ERC2: variants seen among roughly 807,000 people sequenced by gnomAD.
ERC2 encodes the protein ELKS/RAB6-interacting/CAST family member 2, also known as ERC protein 2.
A neutral mutation model predicts 114.8 loss-of-function variants in ERC2; 42 were observed. The ratio of observed to expected loss-of-function variants is 0.37; its 90% confidence interval spans 0.29 to 0.47. ERC2 has a LOEUF of 0.47. ERC2 is among the 20% of genes least tolerant of loss of function. The probability of loss-of-function intolerance (pLI) is 0.99; values close to 1 mark genes in which losing one functional copy is unlikely to be tolerated. For missense variants in ERC2, 939 were observed against 1,150.7 expected (o/e 0.82, Z 2.66); for synonymous variants, 454 against 425.5 (o/e 1.07, Z -0.82).
At chr3:56,229,227 A>G (rs570568856) in intron 3 of ERC2, among the ~76,000 whole-genome samples, 1 of 152,270 alleles carries the variant, frequency 6.6e-6, no homozygotes, top group South Asian at 2.1e-4. Flanking sequence ...TTTAATAGGT[A>G]TTCATATGTT....
At chr3:55,854,436 G>C (rs948076375) in intron 14 of ERC2, among the ~76,000 whole-genome samples, 2 of 152,164 alleles carry the variant, frequency 1.3e-5, no homozygotes, top group African/African-American at 4.8e-5. Flanking sequence ...CCTTAGCTAA[G>C]GAATCCAAAA....
chr3:56,428,784 A>C (rs1053979361), intron 2 of ERC2, among the ~76,000 whole-genome samples: 2 of 152,382 alleles, frequency 1.3e-5, no homozygotes, highest in Admixed American at 6.5e-5. Flanking sequence ...AAATGATCAC[A>C]TAACCATTGT....
At chr3:56,344,742 G>A (rs543156928) in intron 2 of ERC2, among the ~76,000 whole-genome samples, 14 of 152,264 alleles carry the variant, frequency 9.2e-5, no homozygotes, top group Non-Finnish European at 1.5e-4. Context: ...TCTGGTAATG[G>A]TGGATCATTC....
intron 16 of ERC2, among the ~76,000 whole-genome samples, chr3:55,695,637 A>C (rs2062887242): frequency 6.6e-6 from 1 of 152,134 alleles, no homozygotes; most frequent in African/African-American, 2.4e-5. Flanking sequence ...TATTGCCTTT[A>C]AGAAGGTATC....
At chr3:55,938,842 A>C (rs1357345092) in intron 13 of ERC2, among the ~76,000 whole-genome samples, 2 of 152,176 alleles carry the variant, frequency 1.3e-5, no homozygotes, top group Non-Finnish European at 2.9e-5. Context: ...AAAAAGGTAA[A>C]ATTGCATCCA....
chr3:55,948,487 A>G (rs1367277868), intron 13 of ERC2, among the ~76,000 whole-genome samples: 2 of 152,256 alleles, frequency 1.3e-5, no homozygotes, highest in Admixed American at 6.5e-5. Context: ...CATCTGCTTA[A>G]CAATCCAGGA....
At chr3:55,882,465 A>T (rs2063158536) in intron 14 of ERC2, among the ~76,000 whole-genome samples, 2 of 152,222 alleles carry the variant, frequency 1.3e-5, no homozygotes, top group African/African-American at 4.8e-5. Flanking sequence ...ACATGTATAC[A>T]ATTGGACTTC....
intron 6 of ERC2, among the ~76,000 whole-genome samples, chr3:56,138,819 A>C (rs890855889): frequency 5.9e-5 from 9 of 152,210 alleles, no homozygotes; most frequent in African/African-American, 2.2e-4. Context: ...ATTTCTTAGC[A>C]GACCCAAAGA....
intron 3 of ERC2, among the ~76,000 whole-genome samples, chr3:56,291,618 CA>C (rs1467769650): frequency 6.6e-6 from 1 of 152,160 alleles, no homozygotes; most frequent in Non-Finnish European, 1.5e-5. Flanking sequence ...CTCCATTCCC[CA>C]GCTTCACACT....
chr3:55,918,303 TA>T (rs2065222565), intron 13 of ERC2, among the ~76,000 whole-genome samples: 1 of 152,016 alleles, frequency 6.6e-6, no homozygotes, highest in Non-Finnish European at 1.5e-5. Flanking sequence ...TTTACTGTCT[TA>T]AAAAATAAAA....
chr3:56,089,468 G>A (rs2077672178), intron 6 of ERC2, among the ~76,000 whole-genome samples: 1 of 151,898 alleles, frequency 6.6e-6, no homozygotes, highest in African/African-American at 2.4e-5. Context: ...AAGAAACATT[G>A]AAATTAATTT....
intron 13 of ERC2, among the ~76,000 whole-genome samples, chr3:55,924,049 A>G (rs1463507269): frequency 6.6e-6 from 1 of 152,138 alleles, no homozygotes; most frequent in East Asian, 1.9e-4. Flanking sequence ...ATGTAAGGAG[A>G]CAGATTTGCC....
intron 13 of ERC2, among the ~76,000 whole-genome samples, chr3:55,948,460 A>G (rs1243591279): frequency 6.6e-6 from 1 of 152,248 alleles, no homozygotes; most frequent in Non-Finnish European, 1.5e-5. Context: ...TTTGGCAGTA[A>G]TTACTACATC....
intron 17 of ERC2, among the ~76,000 whole-genome samples, chr3:55,516,252 AAAAAC>A (rs1334934051): frequency 1.3e-5 from 2 of 152,070 alleles, no homozygotes; most frequent in African/African-American, 2.4e-5. Context: ...CTAAAAAAAA[AAAAAC>A]AAACAAAAAA....
chr3:56,118,697 C>A (rs1172903824), intron 6 of ERC2, among the ~76,000 whole-genome samples: 3 of 144,038 alleles, frequency 2.1e-5, no homozygotes, highest in Admixed American at 7.3e-5. Context: ...AGTGCAGTGG[C>A]GTGATCTCGG....
chr3:55,898,732 A>G (rs1331191408), intron 13 of ERC2, among the ~76,000 whole-genome samples: 3 of 151,794 alleles, frequency 2.0e-5, no homozygotes, highest in Admixed American at 6.6e-5. Flanking sequence ...TTTTTTTTAC[A>G]TTTTCCAAAA....
rs145067671 is a variant in ERC2, at chr3:55,974,100, C to T, written c.2267+11877G>A. 2.5e-3 allele frequency among the ~76,000 whole-genome samples: 378 copies of T among 152,110 alleles called. 2 individuals carry two copies. Among genetic ancestry groups the T allele is most frequent in the African/African-American group, 8.7e-3 (362 of 41,478 alleles). ...CACAGATCCTTTCTATCAGGCATAC[C>T]GACAAAGTAATCTCAGCTTAAAAGT... is the stretch of plus-strand genomic sequence containing the variant. On this transcript the variant is annotated intron_variant, in intron 12 of 17. Coordinates refer to ENST00000288221, the MANE Select transcript of ERC2 (RefSeq NM_015576.3).
chr3:55,900,080 T>C lies in ERC2; in HGVS notation c.2404-11531A>G, dbSNP rs538022882. On this transcript the variant is annotated intron_variant, in intron 13 of 17. Transcript: ENST00000288221. ...GCTACTCTTTAAGGCAGGGGTACTT[T>C]GGTTCTGAGAGTCCCTTAGATTATA... 4.9e-3 allele frequency among the ~76,000 whole-genome samples: 740 copies of C among 152,298 alleles called. 7 individuals carry two copies. Among genetic ancestry groups the C allele is most frequent in the African/African-American group, 0.017 (689 of 41,554 alleles).
intron 17 of ERC2, among the ~76,000 whole-genome samples, chr3:55,647,861 G>A (rs1199481218): frequency 1.3e-5 from 2 of 152,238 alleles, no homozygotes; most frequent in East Asian, 1.9e-4. Context: ...AGCTGAAAGC[G>A]CAGCTGGCTG....
Sources: gnomAD v4.1 joint callset for allele counts (sites outside exome capture counted in the v4.1 genomes callset) on GRCh38, gnomAD v4.1.1 for gene constraint, MANE v1.5 for transcripts, NCBI Gene and HGNC (gene_info 2026-07-23, HGNC 2026-07-21) for gene names.